The following OR51B5 variants were observed in gnomAD, a reference collection of about 807,000 sequenced individuals.
OR51B5 encodes olfactory receptor family 51 subfamily B member 5.
For synonymous variants in OR51B5, 186 were observed against 144.8 expected, an observed-to-expected ratio of 1.28 and a Z score of -2.04; for missense variants, 456 against 374.6, an observed-to-expected ratio of 1.22 and a Z score of -1.79.
Position 5,404,642 on chromosome 11 carries a change from C to T in OR51B5, n.85-57732G>A, listed in dbSNP as rs1360667123. Among the ~76,000 whole-genome samples, 15 of 152,200 alleles carry T rather than the reference C, an allele frequency of 9.9e-5. No individual in the cohort carries two copies. In the East Asian group the frequency reaches 2.9e-3, roughly 29 times the overall value. ...GGCAACCACCTGGGGTCCCCTTGCA[C>T]GCTGTGGAAGCTTTGTTCTTTTGCT... On this transcript the variant is annotated intron_variant and non_coding_transcript_variant, in intron 1 of 4. Coordinates refer to the OR51B5 transcript ENST00000415970.
chr11:5,418,679 G>T (rs950766426), intron 1 of OR51B5, among the ~76,000 whole-genome samples: 1 of 150,662 alleles, frequency 6.6e-6, no homozygotes, highest in Non-Finnish European at 1.5e-5. Context: ...GTTGAACAAT[G>T]AGAATACATG....
chr11:5,449,519 C>A (rs1850813744), intron 1 of OR51B5, among the ~76,000 whole-genome samples: 1 of 152,196 alleles, frequency 6.6e-6, no homozygotes, highest in Non-Finnish European at 1.5e-5. Context: ...AGCAAAGGAG[C>A]AGGAAAGATC....
intron 1 of OR51B5, among the ~76,000 whole-genome samples, chr11:5,400,741 A>T (rs977865692): frequency 1.3e-5 from 2 of 152,112 alleles, no homozygotes; most frequent in Admixed American, 1.3e-4. Flanking sequence ...AGTTGCAGAG[A>T]TTTTCTGAGT....
intron 1 of OR51B5, among the ~76,000 whole-genome samples, chr11:5,397,035 C>T (rs966766231): frequency 6.6e-6 from 1 of 152,166 alleles, no homozygotes; most frequent in Non-Finnish European, 1.5e-5. Flanking sequence ...CTTCCTTACA[C>T]CTTATACAAA....
At chr11:5,385,385 C>T (rs1343863647) in intron 1 of OR51B5, 3 of 152,220 alleles carry the variant, frequency 2.0e-5, no homozygotes, top group Admixed American at 6.5e-5. Context: ...TTCTCCCTGT[C>T]CATCTCATCA....
exon 1 of OR51B5, chr11:5,342,639 G>C: frequency 6.2e-7 from 1 of 1,608,628 alleles, no homozygotes; most frequent in Non-Finnish European, 8.5e-7. Flanking sequence ...TTCTGAATCT[G>C]CTTGGTCTTG....
intron 1 of OR51B5, among the ~76,000 whole-genome samples, chr11:5,386,539 C>T (rs1849698375): frequency 6.6e-6 from 1 of 152,132 alleles, no homozygotes; most frequent in African/African-American, 2.4e-5. Flanking sequence ...ACTATCACCA[C>T]AGATCTTTTA....
At chr11:5,456,191 C>T (rs1231671460) in intron 1 of OR51B5, 1 of 152,180 alleles carries the variant, frequency 6.6e-6, no homozygotes, top group Non-Finnish European at 1.5e-5. Context: ...ATAGGCCTTA[C>T]TTAGAAACCC....
intron 1 of OR51B5, among the ~76,000 whole-genome samples, chr11:5,428,971 G>C (rs1564810609): frequency 1.3e-5 from 2 of 152,278 alleles, no homozygotes; most frequent in East Asian, 1.9e-4. Context: ...ATTTGTGACT[G>C]CTCCAATTGG....
At chr11:5,452,828 A>G (rs1850877417) in intron 1 of OR51B5, among the ~76,000 whole-genome samples, 2 of 152,238 alleles carry the variant, frequency 1.3e-5, no homozygotes, top group South Asian at 4.1e-4. Context: ...TTCCAGAAAC[A>G]GATACAGCCT....
intron 1 of OR51B5, among the ~76,000 whole-genome samples, chr11:5,372,866 C>T (rs548270168): frequency 1.3e-5 from 2 of 152,138 alleles, no homozygotes; most frequent in Non-Finnish European, 2.9e-5. Flanking sequence ...ATGGCCAAAA[C>T]AATCTTGAGA....
chr11:5,369,985 T>C (rs1388449617), intron 1 of OR51B5, among the ~76,000 whole-genome samples: 11 of 152,196 alleles, frequency 7.2e-5, no homozygotes, highest in Non-Finnish European at 1.6e-4. Context: ...TTTGGTATTC[T>C]GTGTCAATCT....
chr11:5,350,700 A>T (rs1028655115), intron 1 of OR51B5, among the ~76,000 whole-genome samples: 8 of 152,212 alleles, frequency 5.3e-5, no homozygotes, highest in Non-Finnish European at 8.8e-5. Context: ...AGTGCCTTCA[A>T]AAGCTTATCA....
chr11:5,373,235 G>A (rs905346228), intron 1 of OR51B5, among the ~76,000 whole-genome samples: 1 of 152,168 alleles, frequency 6.6e-6, no homozygotes, highest in African/African-American at 2.4e-5. Context: ...AGAGATAGCT[G>A]CTTGATATCA....
intron 1 of OR51B5, among the ~76,000 whole-genome samples, chr11:5,421,551 T>C (rs937727929): frequency 6.6e-6 from 1 of 152,274 alleles, no homozygotes; most frequent in Non-Finnish European, 1.5e-5. Flanking sequence ...CTTTCCTATG[T>C]TTCCTCCCTT....
chr11:5,364,336 T>A (rs1338547492), intron 1 of OR51B5, among the ~76,000 whole-genome samples: 1 of 152,154 alleles, frequency 6.6e-6, no homozygotes, highest in African/African-American at 2.4e-5. Flanking sequence ...TGGGGTGATA[T>A]GGAGGCAAGC....
intron 1 of OR51B5, among the ~76,000 whole-genome samples, chr11:5,424,931 G>A (rs1423284854): frequency 9.9e-6 from 1 of 101,028 alleles, no homozygotes; most frequent in African/African-American, 3.5e-5. Context: ...GCAGTGAGCC[G>A]AGATCCCGCC....
chr11:5,450,377 A>C lies in OR51B5; in HGVS notation n.84+55192T>G, dbSNP rs537387659. ...GCACTCCACCCTGGATGATGGAGCAAGACTCAGTCTCAAATAAATAAATGA... is the reference window on the plus strand; with the variant it reads ...GCACTCCACCCTGGATGATGGAGCACGACTCAGTCTCAAATAAATAAATGA... On this transcript the variant is annotated intron_variant and non_coding_transcript_variant, in intron 1 of 4. Coordinates refer to the OR51B5 transcript ENST00000415970. Among the ~76,000 whole-genome samples the C allele has an allele frequency of 1.1e-4, 16 of 152,296 alleles. 1 individual carries two copies. The South Asian group carries it at 3.3e-3, about 32-fold the overall frequency.
intron 1 of OR51B5, among the ~76,000 whole-genome samples, chr11:5,502,197 T>C (rs986693696): frequency 2.1e-5 from 3 of 144,868 alleles, no homozygotes; most frequent in Admixed American, 6.9e-5. Context: ...CTTGTCACTC[T>C]CTCATTCATT....
Sources: allele counts gnomAD v4.1 joint callset (sites outside exome capture counted in the v4.1 genomes callset), GRCh38; gene constraint gnomAD v4.1.1; transcripts MANE v1.5; gene names NCBI Gene and HGNC (gene_info 2026-07-23, HGNC 2026-07-21).